The following TRPC4 variants were observed in gnomAD, a reference collection of about 807,000 sequenced individuals.
The protein encoded by TRPC4 is short transient receptor potential channel 4.
TRPC4 carries 49 observed loss-of-function variants against 99.4 expected under a neutral mutation model. The ratio of observed to expected loss-of-function variants is 0.49; its 90% confidence interval spans 0.39 to 0.63. The LOEUF is 0.63. TRPC4 is among the 20% of genes least tolerant of loss of function. TRPC4 has a pLI of 0.00. For synonymous variants in TRPC4, 454 were observed against 425.9 expected, an observed-to-expected ratio of 1.07 and a Z score of -0.81; for missense variants, 898 against 1,152.9, an observed-to-expected ratio of 0.78 and a Z score of 3.20.
At chr13:37,665,597 G>A (rs1952617150) in intron 5 of TRPC4, among the ~76,000 whole-genome samples, 1 of 152,082 alleles carries the variant, frequency 6.6e-6, no homozygotes, top group Non-Finnish European at 1.5e-5. Flanking sequence ...ACAAAGTGGG[G>A]TGGGAATAGG....
Position 37,655,301 on chromosome 13 carries a change from T to C in TRPC4, c.1689-18A>G, listed in dbSNP as rs1327777482. 1 of 1,460,948 alleles carries C rather than the reference T, an allele frequency of 6.8e-7. No homozygotes were observed. The highest frequency in any genetic ancestry group is 2.5e-5 in the East Asian group (1 of 39,304). The allele number at this position is 1,460,948 out of a possible 1,614,324, so 90.5% of individuals were successfully genotyped here. On this transcript the variant is annotated intron_variant, in intron 6 of 10. Coordinates refer to ENST00000379705, the MANE Select transcript of TRPC4 (RefSeq NM_016179.4). ...CAAATAACCTGTAATAAAGATAAAA[T>C]GATACTAATAGCTATATTAATGGAA...
intron 5 of TRPC4, among the ~76,000 whole-genome samples, chr13:37,669,576 A>G (rs534200298): frequency 6.6e-6 from 1 of 152,342 alleles, no homozygotes; most frequent in East Asian, 1.9e-4. Flanking sequence ...GTCTTTGCAC[A>G]TTATAATACT....
intron 3 of TRPC4, among the ~76,000 whole-genome samples, chr13:37,739,765 A>C (rs766486091): frequency 1.3e-5 from 2 of 151,974 alleles, no homozygotes; most frequent in Non-Finnish European, 2.9e-5. Flanking sequence ...CGGCCTCCCA[A>C]AGTGCTGGGA....
chr13:37,824,305 C>G (rs1958129979), intron 1 of TRPC4, among the ~76,000 whole-genome samples: 2 of 145,764 alleles, frequency 1.4e-5, no homozygotes, highest in African/African-American at 5.1e-5. Context: ...ACTTCCAACA[C>G]TATGTTGAAT....
intron 3 of TRPC4, among the ~76,000 whole-genome samples, chr13:37,707,234 A>C (rs1305222565): frequency 6.6e-6 from 1 of 152,208 alleles, no homozygotes; most frequent in Non-Finnish European, 1.5e-5. Context: ...GAAACATTGC[A>C]AAAGTAGATT....
chr13:37,787,764 T>C (rs1029932798), intron 1 of TRPC4, among the ~76,000 whole-genome samples: 2 of 152,060 alleles, frequency 1.3e-5, no homozygotes, highest in African/African-American at 4.8e-5. Context: ...CAAAAACTAC[T>C]TTACTAAAAT....
At chr13:37,856,941 G>C (rs1175990213) in intron 1 of TRPC4, among the ~76,000 whole-genome samples, 1 of 151,400 alleles carries the variant, frequency 6.6e-6, no homozygotes, top group Non-Finnish European at 1.5e-5. Flanking sequence ...TAGTATCATA[G>C]AAATGGGGAA....
chr13:37,798,912 A>G lies in TRPC4; in HGVS notation c.-27-15552T>C, dbSNP rs147411564. Among the ~76,000 whole-genome samples, 180 of 146,484 alleles carry G rather than the reference A, an allele frequency of 1.2e-3. 1 individual carries two copies. Among genetic ancestry groups the G allele is most frequent in the Middle Eastern group, 3.6e-3 (1 of 280 alleles). On this transcript the variant is annotated intron_variant, in intron 1 of 10. Transcript: ENST00000379705. ...TAATGAGTGATTATAGTGAGAGACC[A>G]TCTCAATAAAGGGAGGTAATCTTTT...
intron 1 of TRPC4, among the ~76,000 whole-genome samples, chr13:37,827,874 G>A (rs959479078): frequency 1.3e-5 from 2 of 152,176 alleles, no homozygotes; most frequent in Admixed American, 6.5e-5. Context: ...CCCTAGCCTC[G>A]CTGCTGCCTT....
intron 5 of TRPC4, among the ~76,000 whole-genome samples, chr13:37,669,739 G>T (rs751642254): frequency 3.3e-5 from 5 of 152,088 alleles, no homozygotes; most frequent in Non-Finnish European, 4.4e-5. Flanking sequence ...TGAGGCACAG[G>T]TTCAGTAACT....
chr13:37,810,087 T>A (rs1957632698), intron 1 of TRPC4, among the ~76,000 whole-genome samples: 4 of 152,132 alleles, frequency 2.6e-5, no homozygotes, highest in Admixed American at 2.6e-4. Flanking sequence ...TACTTGAGGT[T>A]AATAGTATGT....
At chr13:37,704,450 G>A (rs1366386575) in intron 3 of TRPC4, among the ~76,000 whole-genome samples, 1 of 152,256 alleles carries the variant, frequency 6.6e-6, no homozygotes, top group East Asian at 1.9e-4. Flanking sequence ...ACTTTGGGAA[G>A]CCAAGGCAGG....
chr13:37,863,062 A>T (rs902453281), intron 1 of TRPC4, among the ~76,000 whole-genome samples: 3 of 151,542 alleles, frequency 2.0e-5, no homozygotes, highest in African/African-American at 4.8e-5. Context: ...CCTAGGAGAA[A>T]TAGGCTATTC....
chr13:37,681,073 G>A (rs1055257763), intron 4 of TRPC4, among the ~76,000 whole-genome samples: 2 of 152,178 alleles, frequency 1.3e-5, no homozygotes, highest in African/African-American at 2.4e-5. Context: ...CTTTGGGAAG[G>A]AGGTATAAAG....
intron 1 of TRPC4, among the ~76,000 whole-genome samples, chr13:37,823,872 A>G (rs959250388): frequency 3.3e-4 from 49 of 150,320 alleles, no homozygotes; most frequent in African/African-American, 1.2e-3. Flanking sequence ...CAGTATGGCC[A>G]TTTTCATGAT....
At chr13:37,829,307 A>G (rs1958340577) in intron 1 of TRPC4, among the ~76,000 whole-genome samples, 1 of 152,234 alleles carries the variant, frequency 6.6e-6, no homozygotes, top group South Asian at 2.1e-4. Flanking sequence ...TGCAAAGAAT[A>G]TAAACAGACA....
At chr13:37,750,262 A>C (rs987649932) in intron 2 of TRPC4, among the ~76,000 whole-genome samples, 17 of 152,072 alleles carry the variant, frequency 1.1e-4, no homozygotes, top group Admixed American at 5.2e-4. Flanking sequence ...GCCATTAAGA[A>C]TATTGCTCTT....
At chr13:37,747,232 A>C (rs1340379581) in intron 2 of TRPC4, among the ~76,000 whole-genome samples, 1 of 152,136 alleles carries the variant, frequency 6.6e-6, no homozygotes, top group Non-Finnish European at 1.5e-5. Flanking sequence ...TTTAGTAAGC[A>C]TCTGCCAGGT....
intron 1 of TRPC4, among the ~76,000 whole-genome samples, chr13:37,862,651 G>T (rs1959448225): frequency 1.3e-5 from 2 of 151,552 alleles, no homozygotes; most frequent in Non-Finnish European, 1.5e-5. Flanking sequence ...GAGAAAATAA[G>T]GTTGCCAAAT....
Sources: gnomAD v4.1 joint callset for allele counts (sites outside exome capture counted in the v4.1 genomes callset) on GRCh38, gnomAD v4.1.1 for gene constraint, MANE v1.5 for transcripts, NCBI Gene and HGNC (gene_info 2026-07-23, HGNC 2026-07-21) for gene names.